The following NELL1 variants were observed in gnomAD, a reference collection of about 807,000 sequenced individuals.
NELL1 encodes protein kinase C-binding protein NELL1.
A neutral mutation model predicts 107.4 loss-of-function variants in NELL1; 76 were observed. The ratio of observed to expected loss-of-function variants is 0.71; its 90% CI spans 0.59 to 0.86. NELL1 has a LOEUF of 0.86. Ranked by LOEUF, NELL1 falls within the 40% of genes least tolerant of loss-of-function variation. The probability of loss-of-function intolerance (pLI) is 0.00; values close to 1 mark genes in which losing one functional copy is unlikely to be tolerated. For missense variants in NELL1, 1,024 were observed against 1,005.5 expected, an observed-to-expected ratio of 1.02 and a Z score of -0.25; for synonymous variants, 353 against 341.2, an observed-to-expected ratio of 1.03 and a Z score of -0.38.
intron 3 of NELL1, among the ~76,000 whole-genome samples, chr11:20,799,492 G>A (rs1857239194): frequency 6.6e-6 from 1 of 152,098 alleles, no homozygotes; most frequent in Admixed American, 6.5e-5. Context: ...ACATTTTTTA[G>A]AGCAAATGCA....
At chr11:20,913,640 G>GTACA (rs1850182014) in intron 5 of NELL1, among the ~76,000 whole-genome samples, 1 of 151,928 alleles carries the variant, frequency 6.6e-6, no homozygotes, top group South Asian at 2.1e-4. Context: ...ACAGCAGGAG[G>GTACA]TACAGGGTGG....
At chr11:20,976,578 C>T (rs1590488427) in intron 12 of NELL1, among the ~76,000 whole-genome samples, 1 of 152,176 alleles carries the variant, frequency 6.6e-6, no homozygotes, top group African/African-American at 2.4e-5. Context: ...GAACATTTTA[C>T]ATACCAGATA....
intron 14 of NELL1, among the ~76,000 whole-genome samples, chr11:21,322,521 G>GCA (rs1164112898): frequency 6.6e-6 from 1 of 152,010 alleles, no homozygotes; most frequent in Non-Finnish European, 1.5e-5. Flanking sequence ...CAGTACAAAA[G>GCA]CACACACACA....
intron 12 of NELL1, among the ~76,000 whole-genome samples, chr11:21,003,165 T>C (rs1400343907): frequency 6.6e-6 from 1 of 152,170 alleles, no homozygotes; most frequent in Non-Finnish European, 1.5e-5. Context: ...AATAAACTAA[T>C]TTAGATATAG....
rs1852581854 is a variant in NELL1 at position 21,418,731 on chromosome 11, C to G, written c.1645+47783C>G. ...GCCAATAAAATATAAGTAGAAGTAA[C>G]TTGTATAATTTCTGATAAGAAGCTT... On this transcript the variant is annotated intron_variant, in intron 15 of 19. Transcript: ENST00000357134. 3.9e-5 allele frequency among the ~76,000 whole-genome samples: 6 copies of G among 152,178 alleles called. No individual in the cohort carries two copies. In the South Asian group the frequency reaches 1.2e-3, roughly 32 times the overall value.
intron 12 of NELL1, among the ~76,000 whole-genome samples, chr11:21,034,627 A>G (rs766695025): frequency 6.6e-6 from 1 of 152,216 alleles, no homozygotes; most frequent in Non-Finnish European, 1.5e-5. Flanking sequence ...TGGAAATTTA[A>G]TAATATGCTC....
At chr11:21,332,938 T>G (rs1442854331) in intron 14 of NELL1, among the ~76,000 whole-genome samples, 1 of 152,074 alleles carries the variant, frequency 6.6e-6, no homozygotes, top group African/African-American at 2.4e-5. Flanking sequence ...TGGTTTTGTG[T>G]GTCTTTTATT....
chr11:20,729,086 C>G (rs1483132046), intron 2 of NELL1, among the ~76,000 whole-genome samples: 2 of 151,914 alleles, frequency 1.3e-5, no homozygotes, highest in South Asian at 2.1e-4. Flanking sequence ...GGATTACATT[C>G]TTGAATTGGC....
intron 14 of NELL1, chr11:21,262,558 T>A (rs1198531241): frequency 6.6e-6 from 1 of 151,954 alleles, no homozygotes; most frequent in East Asian, 1.9e-4. Context: ...GACTGGCAAT[T>A]TGAAAAGGTA....
At chr11:20,883,859 T>G (rs1189506484) in intron 4 of NELL1, among the ~76,000 whole-genome samples, 3 of 152,202 alleles carry the variant, frequency 2.0e-5, no homozygotes, top group Non-Finnish European at 4.4e-5. Context: ...TTTCCACTAA[T>G]GTTAGGAGAA....
rs7123151 is a variant in NELL1 at position 21,014,782 on chromosome 11, T to A, written c.1300+54222T>A. On this transcript the variant is annotated intron_variant, in intron 12 of 19. Transcript: ENST00000357134. Reference sequence around the variant, plus strand: ...AATGTAATTAGTTTGTTTATCCAATTTAATTAACTTGAAATCTTATAATCA... The same window carrying A: ...AATGTAATTAGTTTGTTTATCCAATATAATTAACTTGAAATCTTATAATCA... Among the ~76,000 whole-genome samples, 963 of 152,254 alleles carry A rather than the reference T, an allele frequency of 6.3e-3. 11 individuals are homozygous for A. Among genetic ancestry groups the A allele is most frequent in the African/African-American group, 0.022 (912 of 41,574 alleles).
At chr11:20,750,434 T>C (rs758087919) in intron 2 of NELL1, among the ~76,000 whole-genome samples, 1 of 152,040 alleles carries the variant, frequency 6.6e-6, no homozygotes. Flanking sequence ...TGAAGCCCAG[T>C]ATATATATTT....
At chr11:21,410,323 C>A (rs577289852) in intron 15 of NELL1, among the ~76,000 whole-genome samples, 122 of 152,044 alleles carry the variant, frequency 8.0e-4, no homozygotes, top group African/African-American at 2.7e-3. Context: ...TTAGTTATTT[C>A]GAAAGTACAT....
At chr11:21,082,895 T>C (rs1854303004) in intron 12 of NELL1, among the ~76,000 whole-genome samples, 1 of 152,216 alleles carries the variant, frequency 6.6e-6, no homozygotes, top group Non-Finnish European at 1.5e-5. Flanking sequence ...AGAAATTAAA[T>C]TATTGTTACT....
intron 14 of NELL1, among the ~76,000 whole-genome samples, chr11:21,244,030 A>G (rs913913590): frequency 2.6e-5 from 4 of 152,078 alleles, no homozygotes; most frequent in Non-Finnish European, 5.9e-5. Context: ...AGGTAGCTGG[A>G]ATCCATATAC....
chr11:20,698,235 C>G (rs540478926), intron 2 of NELL1, among the ~76,000 whole-genome samples: 1 of 152,254 alleles, frequency 6.6e-6, no homozygotes, highest in Non-Finnish European at 1.5e-5. Context: ...AAATCTCTCT[C>G]TGGGGCAAAT....
At chr11:20,932,663 T>C (rs573515246) in intron 9 of NELL1, among the ~76,000 whole-genome samples, 96 of 152,314 alleles carry the variant, frequency 6.3e-4, no homozygotes, top group African/African-American at 2.2e-3. Context: ...TTATCCCCAT[T>C]TTACACATGA....
chr11:21,336,153 T>G (rs2133693553), intron 14 of NELL1, among the ~76,000 whole-genome samples: 1 of 152,132 alleles, frequency 6.6e-6, no homozygotes, highest in East Asian at 1.9e-4. Flanking sequence ...GGCTATGACA[T>G]TAAACCTGCC....
intron 12 of NELL1, among the ~76,000 whole-genome samples, chr11:20,987,786 A>C (rs1851882740): frequency 6.6e-6 from 1 of 152,224 alleles, no homozygotes; most frequent in South Asian, 2.1e-4. Flanking sequence ...GAGGATAACA[A>C]TAGTACTTAC....
Sources: allele counts gnomAD v4.1 joint callset (sites outside exome capture counted in the v4.1 genomes callset), GRCh38; gene constraint gnomAD v4.1.1; transcripts MANE v1.5; gene names NCBI Gene and HGNC (gene_info 2026-07-23, HGNC 2026-07-21).